SLC26A7: variants seen among roughly 807,000 people sequenced by gnomAD.
SLC26A7 encodes anion exchange transporter.
In SLC26A7, 59 loss-of-function variants were observed where a neutral mutation model predicts 82.5. The observed-to-expected ratio is 0.72, with a 90% CI of 0.58 to 0.89. The LOEUF is 0.89. SLC26A7 is among the 40% of genes least tolerant of loss of function. The pLI is 0.00. For missense variants in SLC26A7, 820 were observed against 793.0 expected (o/e 1.03, Z -0.41); for synonymous variants, 271 against 274.3 (o/e 0.99, Z 0.12).
rs139806592 is a variant in SLC26A7, at chr8:91,297,051, G to A, written c.477+1348G>A. 2.0e-5 allele frequency among the ~76,000 whole-genome samples: 3 copies of A among 152,184 alleles called. No homozygotes were observed. The East Asian group carries it at 5.8e-4, about 29-fold the overall frequency. On this transcript the variant is annotated intron_variant, in intron 4 of 18. Transcript: ENST00000276609. ...TATTCATTTAAAATAAAAAATCTTT[G>A]TATTAACATTGCAAAGATAATATTG...
chr8:91,316,431 C>T (rs911464445), intron 4 of SLC26A7, among the ~76,000 whole-genome samples: 20 of 136,062 alleles, frequency 1.5e-4, no homozygotes, highest in African/African-American at 4.4e-4. Flanking sequence ...TACAGGAACT[C>T]GCTGCCACAC....
At chr8:91,317,026 G>A (rs916395576) in intron 4 of SLC26A7, among the ~76,000 whole-genome samples, 2 of 121,894 alleles carry the variant, frequency 1.6e-5, no homozygotes, top group East Asian at 2.0e-4. Context: ...AAAAAAGCCA[G>A]GCATTTGTCT....
At chr8:91,260,916 C>A (rs748465820) in intron 2 of SLC26A7, among the ~76,000 whole-genome samples, 2 of 152,072 alleles carry the variant, frequency 1.3e-5, no homozygotes, top group African/African-American at 4.8e-5. Context: ...TTTGTTTTCA[C>A]ACAATTATGG....
chr8:91,260,273 T>C (rs1244265881), intron 2 of SLC26A7, among the ~76,000 whole-genome samples: 4 of 152,124 alleles, frequency 2.6e-5, no homozygotes, highest in African/African-American at 9.6e-5. Flanking sequence ...CTGCTATTTA[T>C]AAAACCATCA....
intron 9 of SLC26A7, chr8:91,348,271 C>T (rs1868362): frequency 2.1e-6 from 2 of 944,986 alleles, no homozygotes; most frequent in Non-Finnish European, 2.5e-6. Context: ...TTTCCCATCT[C>T]TTTTGCCATT....
intron 15 of SLC26A7, among the ~76,000 whole-genome samples, chr8:91,372,499 A>T (rs570266530): frequency 7.6e-4 from 116 of 151,956 alleles, no homozygotes; most frequent in African/African-American, 2.5e-3. Context: ...TCCTTTCTTC[A>T]TTTTTAATAT....
intron 2 of SLC26A7, among the ~76,000 whole-genome samples, chr8:91,278,832 A>G (rs1338808232): frequency 6.6e-6 from 1 of 151,976 alleles, no homozygotes; most frequent in Non-Finnish European, 1.5e-5. Flanking sequence ...CATAGTATAC[A>G]ATAGGTCTTT....
chr8:91,290,197 G>A (rs1811826227), intron 3 of SLC26A7, among the ~76,000 whole-genome samples: 1 of 151,950 alleles, frequency 6.6e-6, no homozygotes, highest in Non-Finnish European at 1.5e-5. Context: ...ATTTATTTGG[G>A]GATTACATGA....
In SLC26A7 at chr8:91,366,636, T is replaced by G; in HGVS notation, c.1545T>G (p.Asn515Lys). Residue 515 changes from asparagine to lysine, a missense_variant, in exon 14 of 19, where the codon AAT (asparagine) becomes AAG (lysine). By Grantham distance (94) the Asn-to-Lys change is moderately conservative. Transcript: ENST00000276609. ...TAAACAACCCGCTTGTTTTCCTGAA[T>G]GCAAAAAAATTTTATACTGATTTAA... ...ISINNPLVFL[N>K]AKKFYTDLMN... 6.2e-7 allele frequency: 1 copy of G among 1,613,502 alleles called. No individual in the cohort carries two copies. The highest frequency in any genetic ancestry group is 1.3e-5 in the African/African-American group (1 of 74,978).
chr8:91,343,511 C>T, intron 9 of SLC26A7, 45 bp downstream of exon 9: 1 of 1,380,018 alleles, frequency 7.2e-7, no homozygotes, highest in Non-Finnish European at 1.0e-6. Flanking sequence ...TGGGCCTTCA[C>T]TCCCATTCTA....
At chr8:91,264,135 G>A (rs1313086382) in intron 2 of SLC26A7, among the ~76,000 whole-genome samples, 1 of 151,952 alleles carries the variant, frequency 6.6e-6, no homozygotes, top group Non-Finnish European at 1.5e-5. Flanking sequence ...CAGATGCATT[G>A]GGCTTTGCGC....
chr8:91,335,305 C>T (rs12334455), intron 6 of SLC26A7, among the ~76,000 whole-genome samples: 116,664 of 152,040 alleles, frequency 0.77, 45,896 homozygotes, highest in Non-Finnish European at 0.87. Context: ...CATTTCTATA[C>T]AACTAATAAG....
At chr8:91,385,894 C>T (rs1341957936) in intron 15 of SLC26A7, among the ~76,000 whole-genome samples, 1 of 152,124 alleles carries the variant, frequency 6.6e-6, no homozygotes, top group Non-Finnish European at 1.5e-5. Flanking sequence ...CTTTTAATCA[C>T]CATTTTCTAG....
chr8:91,264,881 T>A (rs1444757455), intron 2 of SLC26A7, among the ~76,000 whole-genome samples: 1 of 148,792 alleles, frequency 6.7e-6, no homozygotes, highest in Non-Finnish European at 1.5e-5. Flanking sequence ...ATCTTCATCA[T>A]TTTTTTGTGG....
intron 2 of SLC26A7, among the ~76,000 whole-genome samples, chr8:91,263,975 T>A (rs1278474486): frequency 6.6e-6 from 1 of 151,786 alleles, no homozygotes; most frequent in Non-Finnish European, 1.5e-5. Flanking sequence ...CATTTTTTTT[T>A]AACAGTAGAA....
Position 91,285,211 on chromosome 8 carries a change from C to T in SLC26A7, c.194-3925C>T, listed in dbSNP as rs139319838. Reference sequence around the variant, plus strand: ...TGATGTTCACACGCCTTCATTTTCACGTGGCATTCACACGACTTCCTTGTC... The same window carrying T: ...TGATGTTCACACGCCTTCATTTTCATGTGGCATTCACACGACTTCCTTGTC... On this transcript the variant is annotated intron_variant, in intron 2 of 18. Transcript: ENST00000276609. 4.9e-3 allele frequency among the ~76,000 whole-genome samples: 751 copies of T among 152,346 alleles called. 5 individuals carry two copies. Among genetic ancestry groups the T allele is most frequent in the African/African-American group, 0.015 (621 of 41,590 alleles).
At chr8:91,340,616 T>TA (rs748090286) in intron 8 of SLC26A7, 65 bp downstream of exon 8, 2 of 1,586,936 alleles carry the variant, frequency 1.3e-6, no homozygotes, top group African/African-American at 2.7e-5. Flanking sequence ...TCCCAGATCC[T>TA]AAAAATGATG....
intron 15 of SLC26A7, among the ~76,000 whole-genome samples, chr8:91,376,178 G>A (rs983442104): frequency 2.0e-5 from 3 of 152,060 alleles, no homozygotes; most frequent in Non-Finnish European, 4.4e-5. Context: ...GGATCTCACT[G>A]AGTTTCTTTG....
At chr8:91,287,066 A>G (rs1235791487) in intron 2 of SLC26A7, among the ~76,000 whole-genome samples, 1 of 152,106 alleles carries the variant, frequency 6.6e-6, no homozygotes, top group African/African-American at 2.4e-5. Context: ...AGGGCGAATG[A>G]TATTGTTGTT....
Sources: gnomAD v4.1 joint callset for allele counts (sites outside exome capture counted in the v4.1 genomes callset) on GRCh38, gnomAD v4.1.1 for gene constraint, MANE v1.5 for transcripts, NCBI Gene and HGNC (gene_info 2026-07-23, HGNC 2026-07-21) for gene names.